Variants in SERPINA1 observed in about 807,000 individuals in gnomAD.
SERPINA1 encodes the protein alpha-1-antitrypsin.
A neutral mutation model predicts 25.4 loss-of-function variants in SERPINA1; 21 were observed. The observed-to-expected ratio is 0.83, with a 90% CI of 0.59 to 1.19. The LOEUF (loss-of-function observed/expected upper bound fraction) is 1.19. Among genes scored for constraint, SERPINA1 ranks in the 50% most tolerant of loss-of-function variants. The pLI, the probability that SERPINA1 is intolerant of heterozygous loss-of-function variation, is 0.00. For missense variants in SERPINA1, 546 were observed against 509.0 expected (o/e 1.07, Z -0.70); for synonymous variants, 218 against 211.1 (o/e 1.03, Z -0.29).
intron 1 of SERPINA1, among the ~76,000 whole-genome samples, chr14:94,386,810 C>G (rs902635535): frequency 1.3e-5 from 2 of 152,196 alleles, no homozygotes; most frequent in Admixed American, 6.5e-5. Context: ...TAACCCTATG[C>G]TAAGCAAACA....
chr14:94,383,250 C>G lies in SERPINA1; in HGVS notation c.-4-9G>C. 1 of 1,607,972 alleles carries G rather than the reference C, an allele frequency of 6.2e-7. No individual in the cohort carries two copies. The highest frequency in any genetic ancestry group is 2.2e-5 in the East Asian group (1 of 44,788). On this transcript the variant is annotated splice_polypyrimidine_tract_variant and intron_variant, in intron 1 of 4. Transcript: ENST00000393087. Reference sequence around the variant, plus strand: ...CAGAAGACGGCATTGTCCTGCAAGACAGAGATGGGGGGGCCAGGCCCCGAG... The same window carrying G: ...CAGAAGACGGCATTGTCCTGCAAGAGAGAGATGGGGGGGCCAGGCCCCGAG...
chr14:94,379,919 C>T (rs1896754555), intron 3 of SERPINA1, among the ~76,000 whole-genome samples: 1 of 152,256 alleles, frequency 6.6e-6, no homozygotes, highest in Non-Finnish European at 1.5e-5. Flanking sequence ...CAGCCTGTAA[C>T]ATCCCCAGGG....
chr14:94,383,263 G>T, intron 1 of SERPINA1, 22 bp from the exon 2 acceptor site: 2 of 1,602,928 alleles, frequency 1.2e-6, no homozygotes, highest in East Asian at 2.2e-5. Flanking sequence ...AGATGGGGGG[G>T]CCAGGCCCCG....
chr14:94,379,715 T>A (rs750477192), intron 3 of SERPINA1, 104 bp from the exon 4 acceptor site: 33 of 1,497,688 alleles, frequency 2.2e-5, no homozygotes, highest in Non-Finnish European at 3.0e-5. Context: ...TTCTGCCACT[T>A]ACTCCTGTGT....
intron 4 of SERPINA1, 33 bp from the exon 5 acceptor site, chr14:94,378,673 G>C: frequency 6.2e-7 from 1 of 1,603,368 alleles, no homozygotes. Flanking sequence ...CACGTTGTAA[G>C]GCTGATCCCA....
chr14:94,383,881 G>A (rs1286253867), intron 1 of SERPINA1, among the ~76,000 whole-genome samples: 2 of 152,192 alleles, frequency 1.3e-5, no homozygotes, highest in Non-Finnish European at 2.9e-5. Flanking sequence ...GAGCATGGAG[G>A]GGCTGTGATT....
Position 94,382,700 on chromosome 14 carries a change from G to T in SERPINA1, c.538C>A (p.Gln180Lys). 6.2e-7 allele frequency: 1 copy of T among 1,614,236 alleles called. No individual in the cohort carries two copies. The highest frequency in any genetic ancestry group is 2.2e-5 in the East Asian group (1 of 44,886). Reference protein sequence around the residue: ...NFGDTEEAKKQINDYVEKGTQ... With the variant: ...NFGDTEEAKKKINDYVEKGTQ... ...CCCTTCTCCACGTAATCGTTGATCT[G>T]TTTCTTGGCCTCTTCGGTGTCCCCG... is the stretch of plus-strand genomic sequence containing the variant. Residue 180 changes from glutamine (Q) to lysine (K), a missense_variant, in exon 2 of 5, where the codon CAG (glutamine) becomes AAG (lysine). By Grantham distance (53) the Gln-to-Lys change is moderately conservative. Transcript: ENST00000393087.
At chr14:94,382,525 A>G (rs1897002328) in intron 2 of SERPINA1, 67 bp downstream of exon 2, 1 of 1,602,320 alleles carries the variant, frequency 6.2e-7, no homozygotes, top group Admixed American at 1.7e-5. Context: ...GAGTTCAAGA[A>G]CTGATGGTTT....
At chr14:94,390,180 C>A (rs866423251), upstream of SERPINA1, among the ~76,000 whole-genome samples, 1 of 152,150 alleles carries the variant, frequency 6.6e-6, no homozygotes, top group African/African-American at 2.4e-5. Context: ...TCAGACTCCC[C>A]TCCCCTTCTC....
At chr14:94,379,324 C>A in intron 4 of SERPINA1, 140 bp downstream of exon 4, 1 of 1,270,086 alleles carries the variant, frequency 7.9e-7, no homozygotes. Context: ...GTCAGTGAAT[C>A]ACGGGCATCT....
Position 94,380,971 on chromosome 14 carries a change from T to C in SERPINA1, c.817A>G (p.Thr273Ala). ...TCATCAGGCAGGAAGAAGATGGCGG[T>C]GGCATTGCCCAGGTATTTCATCAGC... ...VLLMKYLGNA[T>A]AIFFLPDEGK... The change falls in exon 3 of 5, where the codon ACC becomes GCC. Residue 273 changes from threonine to alanine, a missense_variant. Transcript: ENST00000393087. 1.2e-6 allele frequency: 2 copies of C among 1,614,198 alleles called. No individual in the cohort carries two copies. The highest frequency in any genetic ancestry group is 1.7e-6 in the Non-Finnish European group (2 of 1,180,030).
rs76449315 is a variant in SERPINA1 at position 94,385,180 on chromosome 14, C to A, written c.-4-1939G>T. Reference sequence around the variant, plus strand: ...CTAAATATGCTGAGTGGCCTCAGGGCCAGAGGTTGTGGCTTCTAGCCCTGG... The same window carrying A: ...CTAAATATGCTGAGTGGCCTCAGGGACAGAGGTTGTGGCTTCTAGCCCTGG... On this transcript the variant is annotated intron_variant, in intron 1 of 4. Coordinates refer to ENST00000393087, the MANE Select transcript of SERPINA1 (RefSeq NM_000295.5). Among the ~76,000 whole-genome samples the A allele has an allele frequency of 5.0e-3, 764 of 152,332 alleles. 4 individuals are homozygous for A. The highest frequency in any genetic ancestry group is 0.017 in the African/African-American group (719 of 41,574).
Position 94,379,494 on chromosome 14 carries a change from G to A in SERPINA1, c.1035C>T (p.Val345=). The change falls in exon 4 of 5, where the codon GTC becomes GTT. Residue 345 remains valine (V), a synonymous_variant. Coordinates refer to ENST00000393087, the MANE Select transcript of SERPINA1 (RefSeq NM_000295.5). ...VFSNGADLSG[V]TEEAPLKLSK... is the part of the protein sequence containing the mutation. ...AGAGCTTCAGGGGTGCCTCCTCTGT[G>A]ACCCCGGAGAGGTCAGCCCCATTGC... The A allele has an allele frequency of 6.2e-7, 1 of 1,613,964 alleles. No homozygotes were observed. The highest frequency in any genetic ancestry group is 1.3e-5 in the African/African-American group (1 of 74,944).
intron 1 of SERPINA1, among the ~76,000 whole-genome samples, chr14:94,387,187 C>G (rs1229874154): frequency 6.6e-6 from 1 of 152,242 alleles, no homozygotes; most frequent in Non-Finnish European, 1.5e-5. Flanking sequence ...ATTAAAGGCT[C>G]TGAGGCCAGA....
Position 94,383,023 on chromosome 14 carries a change from G to A in SERPINA1, c.215C>T (p.Thr72Ile). ...YRQLAHQSNS[T>I]NIFFSPVSIA... Reference sequence around the variant, plus strand: ...GCTCACTGGGGAGAAGAAGATATTGGTGCTGTTGGACTGGTGTGCCAGCTG... The same window carrying A: ...GCTCACTGGGGAGAAGAAGATATTGATGCTGTTGGACTGGTGTGCCAGCTG... The change falls in exon 2 of 5, where the codon ACC (threonine) becomes ATC (isoleucine). Residue 72 changes from threonine (T) to isoleucine (I), a missense_variant. Coordinates refer to ENST00000393087, the MANE Select transcript of SERPINA1 (RefSeq NM_000295.5). 6.2e-7 allele frequency: 1 copy of A among 1,611,940 alleles called. No homozygotes were observed. The highest frequency in any genetic ancestry group is 1.1e-5 in the South Asian group (1 of 91,048).
chr14:94,385,802 C>T (rs1248583159), intron 1 of SERPINA1, among the ~76,000 whole-genome samples: 2 of 152,168 alleles, frequency 1.3e-5, no homozygotes, highest in African/African-American at 4.8e-5. Flanking sequence ...AGCACATTCC[C>T]CCACACCCAT....
In SERPINA1 at chr14:94,381,280, A is replaced by C. The variant is rs150281592; in HGVS notation, c.647-139T>G. ...CACACATCCCTCGAGGCTCAGCTTC[A>C]TCATCTGTAAAAGGTGCTGAAACTG... On this transcript the variant is annotated intron_variant, in intron 2 of 4. Coordinates refer to ENST00000393087, the MANE Select transcript of SERPINA1 (RefSeq NM_000295.5). 8 of 840,460 alleles carry C rather than the reference A, an allele frequency of 9.5e-6. No homozygotes were observed. In the African/African-American group the frequency reaches 1.4e-4, roughly 15 times the overall value. 52.1% of individuals were successfully genotyped at this position (840,460 alleles called of 1,614,324 possible). A position where few individuals can be genotyped will look rare whatever the true frequency, so the allele number is the denominator to read the frequency against.
rs767375374 is a variant in SERPINA1, at chr14:94,383,239, G to T, written c.-2C>A. On this transcript the variant is annotated splice_region_variant and 5_prime_UTR_variant, in exon 2 of 5. Coordinates refer to ENST00000393087, the MANE Select transcript of SERPINA1 (RefSeq NM_000295.5). ...GCCCCACGAGACAGAAGACGGCATT[G>T]TCCTGCAAGACAGAGATGGGGGGGC... 5 of 1,610,516 alleles carry T rather than the reference G, an allele frequency of 3.1e-6. No individual in the cohort carries two copies. Among genetic ancestry groups the T allele is most frequent in the Non-Finnish European group, 4.2e-6 (5 of 1,179,476 alleles).
chr14:94,387,159 C>T (rs1031880794), intron 1 of SERPINA1, among the ~76,000 whole-genome samples: 1 of 152,196 alleles, frequency 6.6e-6, no homozygotes, highest in Non-Finnish European at 1.5e-5. Context: ...AAGAGGGGAG[C>T]ATCAGTCTGT....
Sources: gnomAD v4.1 joint callset for allele counts (sites outside exome capture counted in the v4.1 genomes callset) on GRCh38, gnomAD v4.1.1 for gene constraint, MANE v1.5 for transcripts, NCBI Gene and HGNC (gene_info 2026-07-23, HGNC 2026-07-21) for gene names.